C3orf49: variants seen among roughly 807,000 people sequenced by gnomAD.
C3orf49 encodes the protein chromosome 3 open reading frame 49.
C3orf49 carries 27 observed loss-of-function variants against 13.3 expected under a neutral mutation model. The ratio of observed to expected loss-of-function variants is 2.02; its 90% CI spans 1.49 to 2.79. C3orf49 has a LOEUF of 2.79. Ranked by LOEUF, C3orf49 falls within the 30% of genes most tolerant of loss-of-function variation. C3orf49 has a pLI of 0.00. For missense variants in C3orf49, 242 were observed against 134.2 expected, an observed-to-expected ratio of 1.80 and a Z score of -3.97; for synonymous variants, 87 against 47.6, an observed-to-expected ratio of 1.83 and a Z score of -3.40.
At chr3:63,836,857 AC>A (rs1206910376) in intron 5 of C3orf49, among the ~76,000 whole-genome samples, 1 of 151,930 alleles carries the variant, frequency 6.6e-6, no homozygotes, top group Non-Finnish European at 1.5e-5. Context: ...CTCCACTGAG[AC>A]CTCCAAGATA....
At chr3:63,799,646 C>G in the C3orf49 span, among the ~76,000 whole-genome samples, 1 of 152,110 alleles carries the variant, frequency 6.6e-6, no homozygotes, top group Non-Finnish European at 1.5e-5. Context: ...AGTTTAAAAA[C>G]TACTTTCATG....
chr3:63,798,952 G>T, the C3orf49 span, among the ~76,000 whole-genome samples: 1 of 152,146 alleles, frequency 6.6e-6, no homozygotes, highest in Non-Finnish European at 1.5e-5. Flanking sequence ...TAATTGTCTA[G>T]TAAGTCATTT....
chr3:63,837,951 A>C (rs762130659), intron 5 of C3orf49: 1 of 1,593,658 alleles, frequency 6.3e-7, no homozygotes, highest in Non-Finnish European at 8.5e-7. Flanking sequence ...ATGTATTTGC[A>C]CATTAAATCC....
chr3:63,787,106 A>G, the C3orf49 span: 1 of 152,236 alleles, frequency 6.6e-6, no homozygotes, highest in African/African-American at 2.4e-5. Flanking sequence ...GAAATGAGTG[A>G]CCTTTTAATT....
chr3:63,848,403 T>A lies in C3orf49; in HGVS notation c.*70T>A, dbSNP rs1400524973. ...ACTTAACCAATTACCAATCAGAAAA[T>A]CGACTCCACCTATGAGCTGGAAGTC... On this transcript the variant is annotated 3_prime_UTR_variant, in exon 7 of 7. Coordinates refer to ENST00000295896, the MANE Select transcript of C3orf49 (RefSeq NM_001355236.2). 1 of 152,174 alleles carries A rather than the reference T, an allele frequency of 6.6e-6. No individual in the cohort carries two copies. The highest frequency in any genetic ancestry group is 1.5e-5 in the Non-Finnish European group (1 of 68,050). The allele number at this position is 152,174 out of a possible 1,614,324, so 9.4% of individuals were successfully genotyped here.
intron 5 of C3orf49, chr3:63,835,161 T>C: frequency 1.9e-6 from 3 of 1,613,534 alleles, no homozygotes; most frequent in Non-Finnish European, 1.7e-6. Flanking sequence ...TACTTTCCAA[T>C]GTTTGCTGAA....
intron 3 of C3orf49, among the ~76,000 whole-genome samples, chr3:63,829,933 T>C (rs1701512252): frequency 6.6e-6 from 1 of 152,158 alleles, no homozygotes; most frequent in Non-Finnish European, 1.5e-5. Context: ...GCCACTGCTC[T>C]CCAGCCTGGA....
intron 5 of C3orf49, chr3:63,833,870 T>C (rs568790708): frequency 5.4e-6 from 2 of 368,420 alleles, no homozygotes; most frequent in South Asian, 1.0e-4. Context: ...CACAAACATA[T>C]GCAGCTTAAA....
the C3orf49 span, among the ~76,000 whole-genome samples, chr3:63,785,386 C>T: frequency 2.6e-4 from 40 of 152,094 alleles, no homozygotes; most frequent in African/African-American, 9.6e-4. Context: ...CTGGACTTCT[C>T]TTCTAAAGAT....
chr3:63,817,570 C>T (rs1389537241), upstream of C3orf49, among the ~76,000 whole-genome samples: 7 of 152,058 alleles, frequency 4.6e-5, no homozygotes, highest in East Asian at 1.9e-4. Context: ...TTTCGTTACC[C>T]GCCCAAGGAC....
At chr3:63,801,801 C>T in the C3orf49 span, among the ~76,000 whole-genome samples, 15 of 152,168 alleles carry the variant, frequency 9.9e-5, no homozygotes, top group Admixed American at 3.3e-4. Context: ...CTTCAAGGAG[C>T]TCCCTTAACC....
intron 5 of C3orf49, chr3:63,839,789 G>A: frequency 6.2e-7 from 1 of 1,604,404 alleles, no homozygotes; most frequent in Non-Finnish European, 8.5e-7. Flanking sequence ...GGAAAGAAGG[G>A]CAATGTTACC....
the C3orf49 span, among the ~76,000 whole-genome samples, chr3:63,782,092 T>A: frequency 1.3e-5 from 2 of 152,182 alleles, no homozygotes; most frequent in African/African-American, 4.8e-5. Flanking sequence ...TGACCCTCAA[T>A]ACGGTTTTAT....
upstream of C3orf49, among the ~76,000 whole-genome samples, chr3:63,814,432 ATC>A (rs1239654541): frequency 6.6e-6 from 1 of 151,990 alleles, no homozygotes; most frequent in African/African-American, 2.4e-5. Context: ...CATGTTTGCA[ATC>A]TCTGACTTAG....
intron 1 of C3orf49, among the ~76,000 whole-genome samples, chr3:63,821,114 TTC>T (rs1701388260): frequency 6.6e-6 from 1 of 152,208 alleles, no homozygotes; most frequent in African/African-American, 2.4e-5. Context: ...TATGCCCATT[TTC>T]AAATGAGAAG....
chr3:63,796,165 A>G, the C3orf49 span, among the ~76,000 whole-genome samples: 1,561 of 152,136 alleles, frequency 0.01, 19 homozygotes, highest in African/African-American at 0.034. Context: ...AAATGTTGGG[A>G]AAAATATGTA....
upstream of C3orf49, among the ~76,000 whole-genome samples, chr3:63,817,042 G>C (rs1701332487): frequency 6.6e-6 from 1 of 151,944 alleles, no homozygotes; most frequent in Non-Finnish European, 1.5e-5. Context: ...CCAAAGTGCT[G>C]GGATTACAGG....
intron 5 of C3orf49, among the ~76,000 whole-genome samples, chr3:63,842,770 G>A (rs1298588737): frequency 6.6e-6 from 1 of 152,060 alleles, no homozygotes; most frequent in African/African-American, 2.4e-5. Context: ...ACACACTTGT[G>A]TAGTACACTA....
chr3:63,808,207 G>C, the C3orf49 span, among the ~76,000 whole-genome samples: 2 of 152,202 alleles, frequency 1.3e-5, no homozygotes, highest in African/African-American at 4.8e-5. Context: ...TGTTATTTAA[G>C]AGATAAGTGA....
Sources: gnomAD v4.1 joint callset for allele counts (sites outside exome capture counted in the v4.1 genomes callset) on GRCh38, gnomAD v4.1.1 for gene constraint, MANE v1.5 for transcripts, NCBI Gene and HGNC (gene_info 2026-07-23, HGNC 2026-07-21) for gene names.